Variants in SAMD8 observed in about 807,000 individuals in gnomAD.
SAMD8 encodes the protein sphingomyelin synthase-related protein 1.
SAMD8 carries 20 observed loss-of-function variants against 42.0 expected under a neutral mutation model. The ratio of observed to expected loss-of-function variants is 0.48; its 90% CI spans 0.34 to 0.69. The LOEUF (loss-of-function observed/expected upper bound fraction) is 0.69, where lower values mean the gene tolerates loss of function less well. SAMD8 is among the 30% of genes least tolerant of loss of function. The probability of loss-of-function intolerance (pLI) is 0.01; values close to 1 mark genes in which losing one functional copy is unlikely to be tolerated. For missense variants in SAMD8, 328 were observed against 511.6 expected (o/e 0.64, Z 3.46); for synonymous variants, 162 against 173.0 (o/e 0.94, Z 0.50).
At chr10:75,154,065 G>A (rs1226959526) in intron 2 of SAMD8, among the ~76,000 whole-genome samples, 1 of 152,234 alleles carries the variant, frequency 6.6e-6, no homozygotes, top group African/African-American at 2.4e-5. Flanking sequence ...CATGCCCGGT[G>A]AGCTGTAGTA....
chr10:75,155,354 A>C (rs1375917943), intron 2 of SAMD8, among the ~76,000 whole-genome samples: 1 of 152,156 alleles, frequency 6.6e-6, no homozygotes, highest in Non-Finnish European at 1.5e-5. Context: ...GTCAAGGAAG[A>C]GATGGAAATA....
upstream of SAMD8, among the ~76,000 whole-genome samples, chr10:75,107,303 C>T (rs567566739): frequency 4.6e-5 from 7 of 150,658 alleles, no homozygotes; most frequent in East Asian, 7.8e-4. Context: ...GCAGAGATCG[C>T]GCCACTGCAC....
chr10:75,122,803 G>T (rs1300897979), intron 1 of SAMD8, among the ~76,000 whole-genome samples: 1 of 151,882 alleles, frequency 6.6e-6, no homozygotes, highest in African/African-American at 2.4e-5. Context: ...CTGACAATTT[G>T]TATTATAAAT....
intron 1 of SAMD8, among the ~76,000 whole-genome samples, chr10:75,134,628 T>C (rs577895469): frequency 6.8e-6 from 1 of 148,118 alleles, no homozygotes; most frequent in Admixed American, 6.6e-5. Flanking sequence ...GAGTGAGACT[T>C]TCCCCCCCCC....
At chr10:75,148,346 C>CTTTTTTGTTTTTTTTTTTT (rs1840193574) in intron 1 of SAMD8, among the ~76,000 whole-genome samples, 3 of 82,566 alleles carry the variant, frequency 3.6e-5, no homozygotes, top group African/African-American at 2.0e-4. Flanking sequence ...GCAATACCAG[C>CTTTTTTGTTTTTTTTTTTT]TTTTTTTTTT....
intron 1 of SAMD8, among the ~76,000 whole-genome samples, chr10:75,118,261 G>A (rs1222110284): frequency 6.6e-6 from 1 of 152,212 alleles, no homozygotes; most frequent in Non-Finnish European, 1.5e-5. Context: ...AAAATGGATG[G>A]TAGGAGTTAG....
At chr10:75,102,034 A>G in intron 1 of SAMD8, 1 of 1,184,094 alleles carries the variant, frequency 8.4e-7, no homozygotes, top group Non-Finnish European at 1.1e-6. Flanking sequence ...TGCCACTCCC[A>G]ACTTGTCCAC....
At chr10:75,158,452 C>A (rs930593557) in intron 2 of SAMD8, among the ~76,000 whole-genome samples, 1 of 151,870 alleles carries the variant, frequency 6.6e-6, no homozygotes, top group Admixed American at 6.6e-5. Flanking sequence ...ATTAGCCGGG[C>A]GTGGTGGCAT....
At chr10:75,158,153 C>G (rs982659558) in intron 2 of SAMD8, among the ~76,000 whole-genome samples, 1 of 145,390 alleles carries the variant, frequency 6.9e-6, no homozygotes, top group African/African-American at 2.6e-5. Flanking sequence ...GAGCAAAACT[C>G]TGTCTCAAAA....
At chr10:75,126,596 G>C (rs1174269961) in intron 1 of SAMD8, among the ~76,000 whole-genome samples, 1 of 148,516 alleles carries the variant, frequency 6.7e-6, no homozygotes, top group Non-Finnish European at 1.5e-5. Flanking sequence ...TAACCTCCTA[G>C]GCTCAAGTGG....
intron 1 of SAMD8, among the ~76,000 whole-genome samples, chr10:75,142,853 A>G (rs182579413): frequency 6.6e-6 from 1 of 152,098 alleles, no homozygotes; most frequent in East Asian, 1.9e-4. Context: ...CATCAATACA[A>G]ATGAATATCC....
chr10:75,160,865 C>T (rs2035807509), intron 2 of SAMD8, among the ~76,000 whole-genome samples: 1 of 152,086 alleles, frequency 6.6e-6, no homozygotes, highest in Non-Finnish European at 1.5e-5. Flanking sequence ...GGTTAAAAAT[C>T]TTCTTAAGCC....
At chr10:75,154,954 G>A (rs1840377192) in intron 2 of SAMD8, among the ~76,000 whole-genome samples, 1 of 152,056 alleles carries the variant, frequency 6.6e-6, no homozygotes, top group South Asian at 2.1e-4. Flanking sequence ...GTTTAGTGGT[G>A]CATTCATAGA....
chr10:75,170,578 G>T (rs1162305924), intron 4 of SAMD8, among the ~76,000 whole-genome samples: 1 of 151,686 alleles, frequency 6.6e-6, no homozygotes, highest in African/African-American at 2.4e-5. Context: ...AAAAGGAAAA[G>T]TAATTTTTTC....
chr10:75,138,291 A>T (rs936104619), intron 1 of SAMD8, among the ~76,000 whole-genome samples: 2 of 152,190 alleles, frequency 1.3e-5, no homozygotes, highest in Admixed American at 6.6e-5. Context: ...GGTGATTCGT[A>T]GATGGCAGTG....
At chr10:75,123,847 G>C (rs887996212) in intron 1 of SAMD8, among the ~76,000 whole-genome samples, 1 of 151,598 alleles carries the variant, frequency 6.6e-6, no homozygotes, top group Admixed American at 6.6e-5. Context: ...TAGCTACTCA[G>C]CCTCAGAGTA....
At chr10:75,108,773 G>A (rs1197688946), upstream of SAMD8, among the ~76,000 whole-genome samples, 1 of 152,070 alleles carries the variant, frequency 6.6e-6, no homozygotes, top group Non-Finnish European at 1.5e-5. Context: ...ATGTTTCCTG[G>A]AACTCCTGGG....
intron 4 of SAMD8, among the ~76,000 whole-genome samples, chr10:75,170,466 A>T (rs1840824114): frequency 6.6e-6 from 1 of 152,188 alleles, no homozygotes; most frequent in Non-Finnish European, 1.5e-5. Flanking sequence ...TAGACTGACC[A>T]GTAAGAAAGG....
rs56839743 is a variant in SAMD8 at position 75,165,977 on chromosome 10, C to CAAAA, written c.674+1255_674+1258dup. Among the ~76,000 whole-genome samples, 81 of 62,176 alleles carry CAAAA rather than the reference C, an allele frequency of 1.3e-3. 1 individual carries two copies. The highest frequency in any genetic ancestry group is 4.0e-3 in the African/African-American group (69 of 17,338). 40.8% of individuals were successfully genotyped at this position (62,176 alleles called of 152,430 possible). On this transcript the variant is annotated intron_variant, in intron 3 of 5. Transcript: ENST00000542569. Reference sequence around the variant, plus strand: ...GGGTGACAGAGCCAGACCCTGTCTCCAAAAAAAAAAAAAAAAAAAAAGAAA... The same window carrying CAAAA: ...GGGTGACAGAGCCAGACCCTGTCTCCAAAAAAAAAAAAAAAAAAAAAAAAAGAAA...
Sources: gnomAD v4.1 joint callset for allele counts (sites outside exome capture counted in the v4.1 genomes callset) on GRCh38, gnomAD v4.1.1 for gene constraint, MANE v1.5 for transcripts, NCBI Gene and HGNC (gene_info 2026-07-23, HGNC 2026-07-21) for gene names.